Variants in KCNIP3 observed in about 807,000 individuals in gnomAD.
KCNIP3 encodes the protein calsenilin.
Under a neutral mutation model 35.0 loss-of-function variants are expected in KCNIP3, and 28 were observed. The ratio of observed to expected loss-of-function variants is 0.80; its 90% CI spans 0.59 to 1.10. The LOEUF is 1.10. Among genes scored for constraint, KCNIP3 ranks in the 50% least tolerant of loss-of-function variants. KCNIP3 has a pLI of 0.00. For synonymous variants in KCNIP3, 134 were observed against 133.8 expected, an observed-to-expected ratio of 1.00 and a Z score of -0.01; for missense variants, 295 against 338.4, an observed-to-expected ratio of 0.87 and a Z score of 1.01.
intron 2 of KCNIP3, among the ~76,000 whole-genome samples, chr2:95,315,036 G>A (rs1678417934): frequency 6.6e-6 from 1 of 152,200 alleles, no homozygotes; most frequent in African/African-American, 2.4e-5. Context: ...ACGGGGACGG[G>A]AGCCTGTGAG....
rs749343220 is a variant in KCNIP3 at position 95,374,933 on chromosome 2, G to C, written c.376+16G>C. On this transcript the variant is annotated intron_variant, in intron 4 of 8. Transcript: ENST00000295225. ...CCTCAGGGAGGTGAGTCTGAGGCAGGGCAGCCCTGCTGTGTCCCAGTGTGG... is the reference window on the plus strand; with the variant it reads ...CCTCAGGGAGGTGAGTCTGAGGCAGCGCAGCCCTGCTGTGTCCCAGTGTGG... The C allele has an allele frequency of 2.5e-6, 4 of 1,613,480 alleles. No homozygotes were observed. Among genetic ancestry groups the C allele is most frequent in the Admixed American group, 3.3e-5 (2 of 60,018 alleles).
chr2:95,373,483 C>T (rs1374820725), intron 2 of KCNIP3, among the ~76,000 whole-genome samples: 1 of 128,992 alleles, frequency 7.8e-6, no homozygotes, highest in Admixed American at 9.4e-5. Context: ...AGTTCAGTGG[C>T]GCGATCGCGG....
chr2:95,334,039 C>A (rs1242179832), intron 2 of KCNIP3, among the ~76,000 whole-genome samples: 2 of 152,246 alleles, frequency 1.3e-5, no homozygotes, highest in Non-Finnish European at 2.9e-5. Flanking sequence ...CACCCTTGGG[C>A]CCTCGGCTCA....
chr2:95,329,038 T>C (rs952053122), intron 2 of KCNIP3, among the ~76,000 whole-genome samples: 1 of 152,220 alleles, frequency 6.6e-6, no homozygotes, highest in Non-Finnish European at 1.5e-5. Flanking sequence ...TGGCTTGGAC[T>C]GCAGAGACCT....
intron 5 of KCNIP3, 152 bp downstream of exon 5, chr2:95,375,360 G>C (rs1317448494): frequency 2.6e-5 from 18 of 704,400 alleles, no homozygotes; most frequent in Non-Finnish European, 4.1e-5. Flanking sequence ...GGATGTGGCT[G>C]GCCCTGGGCC....
chr2:95,297,748 G>T (rs1472934663), intron 1 of KCNIP3, among the ~76,000 whole-genome samples: 1 of 152,032 alleles, frequency 6.6e-6, no homozygotes, highest in Non-Finnish European at 1.5e-5. Context: ...AAGTGTTTGC[G>T]GAAGAAAAGC....
chr2:95,379,588 A>T (rs1340808768), intron 5 of KCNIP3, among the ~76,000 whole-genome samples: 7 of 152,180 alleles, frequency 4.6e-5, no homozygotes, highest in African/African-American at 1.7e-4. Context: ...TGCTTCCTAT[A>T]AAAGAGGATG....
At chr2:95,297,495 G>T (rs375076643) in intron 1 of KCNIP3, 42 bp downstream of exon 1, 2 of 1,144,182 alleles carry the variant, frequency 1.7e-6, no homozygotes, top group South Asian at 1.4e-5. Context: ...GAGGGGGGTC[G>T]GGGGGAGGAA....
intron 2 of KCNIP3, among the ~76,000 whole-genome samples, chr2:95,358,392 A>C (rs369957686): frequency 1.3e-5 from 2 of 152,226 alleles, no homozygotes; most frequent in East Asian, 3.9e-4. Flanking sequence ...ACTTTTACAC[A>C]CTGGGAAGAA....
chr2:95,375,191 G>C lies in KCNIP3; in HGVS notation c.430G>C (p.Gly144Arg), dbSNP rs764036281. ...LFNAFDADGN[G>R]AIHFEDFVVG... is the part of the protein sequence containing the mutation. ...CAACGCCTTTGATGCGGACGGGAAC[G>C]GGGCCATCCACTTTGAGGTAGGTCC... Residue 144 changes from glycine to arginine, a missense_variant, in exon 5 of 9, where the codon GGG becomes CGG. Transcript: ENST00000295225. 4.3e-6 allele frequency: 7 copies of C among 1,614,126 alleles called. No individual in the cohort carries two copies. Among genetic ancestry groups the C allele is most frequent in the South Asian group, 1.1e-5 (1 of 91,080 alleles).
chr2:95,309,402 C>T (rs1342298423), intron 1 of KCNIP3, among the ~76,000 whole-genome samples: 1 of 151,066 alleles, frequency 6.6e-6, no homozygotes, highest in Non-Finnish European at 1.5e-5. Flanking sequence ...TTCTGATCCA[C>T]ACCGACTCAG....
intron 5 of KCNIP3, among the ~76,000 whole-genome samples, chr2:95,375,486 G>T (rs868420611): frequency 6.6e-6 from 1 of 152,030 alleles, no homozygotes; most frequent in Non-Finnish European, 1.5e-5. Flanking sequence ...AGACACACAC[G>T]GGTGGTAGTG....
chr2:95,326,250 TCACA>T lies in KCNIP3; in HGVS notation c.181+15733_181+15736del, dbSNP rs1262259793. On this transcript the variant is annotated intron_variant, in intron 2 of 8. Coordinates refer to ENST00000295225, the MANE Select transcript of KCNIP3 (RefSeq NM_013434.5). ...ACATACACATACACACACACAACAC[TCACA>T]CATACACTCACACATACACTCACTA... Among the ~76,000 whole-genome samples, 355 of 60,408 alleles carry T rather than the reference TCACA, an allele frequency of 5.9e-3. 4 individuals carry two copies. The highest frequency in any genetic ancestry group is 0.033 in the African/African-American group (337 of 10,078). 39.6% of individuals were successfully genotyped at this position (60,408 alleles called of 152,430 possible). A position where few individuals can be genotyped will look rare whatever the true frequency, so the allele number is the denominator to read the frequency against.
At chr2:95,301,883 C>T (rs1573475956) in intron 1 of KCNIP3, among the ~76,000 whole-genome samples, 1 of 151,986 alleles carries the variant, frequency 6.6e-6, no homozygotes, top group Admixed American at 6.6e-5. Flanking sequence ...TGTGCGCGCT[C>T]ATAGGTGTGT....
In KCNIP3 at chr2:95,326,208, TAC is replaced by T. The variant is rs753030239; in HGVS notation, c.181+15697_181+15698del. Among the ~76,000 whole-genome samples, 83 of 149,546 alleles carry T rather than the reference TAC, an allele frequency of 5.6e-4. No individual in the cohort carries two copies. The East Asian group carries it at 7.2e-3, about 13-fold the overall frequency. Reference sequence around the variant, plus strand: ...TCATACACACATACACGCACTCATATACACACACACTCATACACATACACATA... The same window carrying T: ...TCATACACACATACACGCACTCATATACACACACTCATACACATACACATA... On this transcript the variant is annotated intron_variant, in intron 2 of 8. Coordinates refer to ENST00000295225, the MANE Select transcript of KCNIP3 (RefSeq NM_013434.5).
intron 2 of KCNIP3, among the ~76,000 whole-genome samples, chr2:95,333,960 G>C (rs944581324): frequency 2.0e-5 from 3 of 152,182 alleles, no homozygotes; most frequent in Non-Finnish European, 4.4e-5. Context: ...ACACCTCTCT[G>C]AGCTGTCAGA....
intron 2 of KCNIP3, among the ~76,000 whole-genome samples, chr2:95,314,330 G>T (rs777118520): frequency 6.6e-6 from 1 of 152,228 alleles, no homozygotes; most frequent in Non-Finnish European, 1.5e-5. Context: ...AATTTTCAAG[G>T]ATTTCTGAGA....
At chr2:95,366,154 T>C (rs966846581) in intron 2 of KCNIP3, among the ~76,000 whole-genome samples, 13 of 152,076 alleles carry the variant, frequency 8.5e-5, no homozygotes, top group Non-Finnish European at 1.6e-4. Flanking sequence ...CACCTGGCGA[T>C]ATAGAACAAT....
intron 1 of KCNIP3, among the ~76,000 whole-genome samples, chr2:95,307,264 G>A (rs1454813993): frequency 6.6e-6 from 1 of 152,178 alleles, no homozygotes; most frequent in Non-Finnish European, 1.5e-5. Context: ...GGGCATCACA[G>A]CACTCCTCAA....
Sources: gnomAD v4.1 joint callset for allele counts (sites outside exome capture counted in the v4.1 genomes callset) on GRCh38, gnomAD v4.1.1 for gene constraint, MANE v1.5 for transcripts, NCBI Gene and HGNC (gene_info 2026-07-23, HGNC 2026-07-21) for gene names.